The following HERC4 variants were observed in gnomAD, a reference collection of about 807,000 sequenced individuals.
HERC4 encodes the protein HECT and RLD domain containing E3 ubiquitin protein ligase 4.
Under a neutral mutation model 124.3 loss-of-function variants are expected in HERC4, and 28 were observed. The observed-to-expected ratio is 0.23, with a 90% CI of 0.17 to 0.31. HERC4 has a LOEUF of 0.31. HERC4 is among the 10% of genes least tolerant of loss of function. The probability of loss-of-function intolerance (pLI) is 1.00; values close to 1 mark genes in which losing one functional copy is unlikely to be tolerated. For synonymous variants in HERC4, 407 were observed against 421.5 expected (o/e 0.97, Z 0.42); for missense variants, 713 against 1,229.3 (o/e 0.58, Z 6.28).
At chr10:68,015,642 G>A (rs1029402141) in intron 8 of HERC4, among the ~76,000 whole-genome samples, 1 of 152,144 alleles carries the variant, frequency 6.6e-6, no homozygotes, top group African/African-American at 2.4e-5. Flanking sequence ...TAGTCTGCTA[G>A]ATTACTACCC....
intron 15 of HERC4, among the ~76,000 whole-genome samples, chr10:67,980,858 T>C (rs548641791): frequency 6.6e-6 from 1 of 152,314 alleles, no homozygotes; most frequent in East Asian, 1.9e-4. Flanking sequence ...TATAAGATAG[T>C]ATCTGCAAGC....
intron 23 of HERC4, among the ~76,000 whole-genome samples, chr10:67,931,211 CTT>C (rs1422582613): frequency 1.3e-5 from 2 of 151,688 alleles, no homozygotes; most frequent in Non-Finnish European, 2.9e-5. Flanking sequence ...GTCTCGATCT[CTT>C]AACCTCGTGA....
intron 3 of HERC4, among the ~76,000 whole-genome samples, chr10:68,071,285 C>T (rs931907963): frequency 1.3e-5 from 2 of 152,196 alleles, no homozygotes; most frequent in Admixed American, 1.3e-4. Flanking sequence ...CTCATCTATA[C>T]AGTTGGAGGC....
intron 15 of HERC4, among the ~76,000 whole-genome samples, chr10:67,976,945 G>A (rs2035628226): frequency 6.6e-6 from 1 of 152,124 alleles, no homozygotes; most frequent in Non-Finnish European, 1.5e-5. Context: ...AGTGCTCTGG[G>A]GCCCTCAATA....
chr10:68,006,276 T>C (rs930007524), intron 9 of HERC4, among the ~76,000 whole-genome samples: 3 of 152,186 alleles, frequency 2.0e-5, no homozygotes, highest in Non-Finnish European at 2.9e-5. Flanking sequence ...TATTGTTCAT[T>C]AATGTCCCTT....
chr10:67,952,297 C>T (rs746161871), intron 19 of HERC4, among the ~76,000 whole-genome samples: 28 of 152,078 alleles, frequency 1.8e-4, no homozygotes, highest in Non-Finnish European at 4.0e-4. Context: ...AACAGCTAAA[C>T]ATGACTAAAG....
Position 67,954,641 on chromosome 10 carries a change from A to G in HERC4, c.2291T>C (p.Met764Thr). The change falls in exon 19 of 25, where the codon ATG (methionine) becomes ACG (threonine). Residue 764 changes from methionine (M) to threonine (T), a missense_variant. By Grantham distance (81) the Met-to-Thr change is moderately conservative. Transcript: ENST00000373700. ...MRELLDPKYG[M>T]FRYYEDSRLI... ...CCTGGAATCTTCATAATACCTAAACATGCCGTATTTAGGATCCAATAATTC... is the reference window on the plus strand; with the variant it reads ...CCTGGAATCTTCATAATACCTAAACGTGCCGTATTTAGGATCCAATAATTC... 6.2e-7 allele frequency: 1 copy of G among 1,613,608 alleles called. No individual in the cohort carries two copies. Among genetic ancestry groups the G allele is most frequent in the Non-Finnish European group, 8.5e-7 (1 of 1,179,682 alleles).
chr10:67,941,783 A>C (rs1238086195), intron 19 of HERC4, among the ~76,000 whole-genome samples: 1 of 145,566 alleles, frequency 6.9e-6, no homozygotes, highest in African/African-American at 2.6e-5. Context: ...GGTTCAAGAG[A>C]TTCTCCTGCC....
chr10:67,954,990 C>A lies in HERC4; in HGVS notation c.2166G>T (p.Lys722Asn). 2 of 1,603,044 alleles carry A rather than the reference C, an allele frequency of 1.2e-6. No homozygotes were observed. The highest frequency in any genetic ancestry group is 1.7e-6 in the Non-Finnish European group (2 of 1,176,162). ...TGAGTGGCTTCTTGTAATCTATGTT[C>A]TTTGTTTTCCTAAGGACTTCCATTG... ...GDAMEVLRKT[K>N]NIDYKKPLKV... Residue 722 changes from lysine (K) to asparagine (N), a missense_variant, in exon 18 of 25, where the codon AAG (lysine) becomes AAT (asparagine). Transcript: ENST00000373700.
intron 10 of HERC4, 139 bp from the exon 11 acceptor site, chr10:67,992,462 A>G: frequency 1.6e-6 from 2 of 1,224,472 alleles, no homozygotes; most frequent in Non-Finnish European, 2.3e-6. Context: ...TATCAAATAG[A>G]TCAGAAAAAA....
intron 9 of HERC4, chr10:68,010,940 T>G: frequency 3.6e-6 from 4 of 1,122,126 alleles, no homozygotes; most frequent in Non-Finnish European, 1.3e-6. Flanking sequence ...CAGGCTTTAG[T>G]TCTAGTTCTC....
intron 3 of HERC4, chr10:68,068,983 G>C (rs2041438022): frequency 1.1e-6 from 1 of 916,238 alleles, no homozygotes; most frequent in Non-Finnish European, 1.3e-6. Context: ...ACAAAAAACT[G>C]TTTTTTAGAT....
intron 3 of HERC4, among the ~76,000 whole-genome samples, chr10:68,049,016 A>C (rs1265258475): frequency 2.0e-5 from 3 of 152,152 alleles, no homozygotes; most frequent in African/African-American, 7.2e-5. Flanking sequence ...AAACACATGC[A>C]TTCACCCTTC....
intron 3 of HERC4, among the ~76,000 whole-genome samples, chr10:68,052,017 A>G (rs2040339199): frequency 6.6e-6 from 1 of 152,136 alleles, no homozygotes; most frequent in African/African-American, 2.4e-5. Flanking sequence ...GGGTGAAAAA[A>G]AAGTATCATT....
chr10:67,968,243 T>C (rs562606351), intron 15 of HERC4, among the ~76,000 whole-genome samples: 3 of 152,000 alleles, frequency 2.0e-5, no homozygotes, highest in Non-Finnish European at 4.4e-5. Context: ...TATGTGCAAA[T>C]TCCCCCCACA....
At chr10:68,026,057 A>C (rs546465915) in intron 7 of HERC4, among the ~76,000 whole-genome samples, 1 of 152,332 alleles carries the variant, frequency 6.6e-6, no homozygotes, top group Middle Eastern at 3.4e-3. Context: ...CTGCAAAAAG[A>C]GTACATGTAA....
At chr10:68,002,098 C>T (rs1461286582) in intron 9 of HERC4, among the ~76,000 whole-genome samples, 1 of 152,014 alleles carries the variant, frequency 6.6e-6, no homozygotes, top group East Asian at 1.9e-4. Context: ...TCTACAGTTT[C>T]GAAGGTGCCA....
chr10:67,988,937 T>C (rs2036410764), intron 14 of HERC4, 102 bp from the exon 15 acceptor site: 3 of 874,236 alleles, frequency 3.4e-6, no homozygotes, highest in Non-Finnish European at 5.5e-6. Flanking sequence ...TTGTTAAACC[T>C]GAGAAAACCC....
At chr10:68,074,437 T>C (rs1375751512) in intron 1 of HERC4, among the ~76,000 whole-genome samples, 1 of 152,168 alleles carries the variant, frequency 6.6e-6, no homozygotes, top group Non-Finnish European at 1.5e-5. Flanking sequence ...AGTTCTGCAT[T>C]GTCTTCCCAT....
Sources: allele counts gnomAD v4.1 joint callset (sites outside exome capture counted in the v4.1 genomes callset), GRCh38; gene constraint gnomAD v4.1.1; transcripts MANE v1.5; gene names NCBI Gene and HGNC (gene_info 2026-07-23, HGNC 2026-07-21).